The following MYRIP variants were observed in gnomAD, a reference collection of about 807,000 sequenced individuals.
MYRIP encodes the protein rab effector MyRIP.
Under a neutral mutation model 98.0 loss-of-function variants are expected in MYRIP, and 49 were observed. The observed-to-expected ratio is 0.50, with a 90% CI of 0.40 to 0.63. The LOEUF (loss-of-function observed/expected upper bound fraction) is 0.63, where lower values mean the gene tolerates loss of function less well. MYRIP is among the 30% of genes least tolerant of loss of function. MYRIP has a pLI of 0.00. For synonymous variants in MYRIP, 404 were observed against 409.5 expected (o/e 0.99, Z 0.16); for missense variants, 1,004 against 1,058.2 (o/e 0.95, Z 0.71).
At chr3:39,913,880 T>C (rs1337754970) in intron 2 of MYRIP, among the ~76,000 whole-genome samples, 1 of 152,198 alleles carries the variant, frequency 6.6e-6, no homozygotes. Context: ...TGTTCCACAT[T>C]CTATGGAAGC....
At chr3:40,034,764 A>C (rs1947339687) in intron 2 of MYRIP, among the ~76,000 whole-genome samples, 1 of 152,018 alleles carries the variant, frequency 6.6e-6, no homozygotes, top group South Asian at 2.1e-4. Flanking sequence ...CTATAAAGAC[A>C]CATGCACACG....
At chr3:40,102,853 C>G (rs1948972909) in intron 3 of MYRIP, among the ~76,000 whole-genome samples, 1 of 151,884 alleles carries the variant, frequency 6.6e-6, no homozygotes, top group African/African-American at 2.4e-5. Context: ...AGACAGATAC[C>G]TACACACTCC....
chr3:39,826,098 A>T (rs1941254580), intron 1 of MYRIP, among the ~76,000 whole-genome samples: 3 of 148,920 alleles, frequency 2.0e-5, no homozygotes, highest in Admixed American at 6.6e-5. Context: ...ATAGTTTGTC[A>T]ATTTTGTTTA....
rs867915273 is a variant in MYRIP, at chr3:40,204,015, A to T, written c.1666-5839A>T. 9.2e-4 allele frequency among the ~76,000 whole-genome samples: 5 copies of T among 5,406 alleles called. 1 individual carries two copies. The highest frequency in any genetic ancestry group is 1.1e-3 in the Non-Finnish European group (2 of 1,784). The allele number at this position is 5,406 out of a possible 152,430, so 3.5% of individuals were successfully genotyped here. A position where few individuals can be genotyped will look rare whatever the true frequency, so the allele number is the denominator to read the frequency against. On this transcript the variant is annotated intron_variant, in intron 10 of 16. Coordinates refer to ENST00000302541, the MANE Select transcript of MYRIP (RefSeq NM_015460.4). ...ATTATATATATTATATATTATATAT[A>T]ATATATATTATATATATTATATATT...
At chr3:40,151,420 A>T (rs1950117333) in intron 4 of MYRIP, among the ~76,000 whole-genome samples, 1 of 152,232 alleles carries the variant, frequency 6.6e-6, no homozygotes, top group Admixed American at 6.5e-5. Context: ...AGCTATGAAG[A>T]CCAAGTACTT....
intron 2 of MYRIP, among the ~76,000 whole-genome samples, chr3:40,000,788 C>A (rs1019750215): frequency 6.6e-6 from 1 of 152,092 alleles, no homozygotes; most frequent in Non-Finnish European, 1.5e-5. Context: ...CCTGGGAAGC[C>A]CACAGCCACC....
intron 3 of MYRIP, among the ~76,000 whole-genome samples, chr3:40,099,413 C>T (rs1040516589): frequency 6.6e-6 from 1 of 151,854 alleles, no homozygotes; most frequent in Non-Finnish European, 1.5e-5. Context: ...TTTATGAAAC[C>T]AGGGTGAAGG....
At chr3:39,980,388 C>T (rs1460790617) in intron 2 of MYRIP, among the ~76,000 whole-genome samples, 1 of 152,156 alleles carries the variant, frequency 6.6e-6, no homozygotes, top group Non-Finnish European at 1.5e-5. Flanking sequence ...TCCCATAAGG[C>T]CAAAGGCAGT....
intron 4 of MYRIP, among the ~76,000 whole-genome samples, chr3:40,154,720 C>A (rs1463196617): frequency 6.6e-6 from 1 of 152,052 alleles, no homozygotes; most frequent in Admixed American, 6.5e-5. Flanking sequence ...CCTTGACAAG[C>A]CCCAGGATGC....
At chr3:39,913,890 C>CACTTG (rs1944087422) in intron 2 of MYRIP, among the ~76,000 whole-genome samples, 1 of 152,168 alleles carries the variant, frequency 6.6e-6, no homozygotes, top group African/African-American at 2.4e-5. Context: ...TCTATGGAAG[C>CACTTG]ACTTGTGAAT....
intron 1 of MYRIP, among the ~76,000 whole-genome samples, chr3:39,880,496 T>C (rs1943131979): frequency 6.6e-6 from 1 of 152,262 alleles, no homozygotes; most frequent in Non-Finnish European, 1.5e-5. Context: ...AAATTCAACT[T>C]TGTTTTTATA....
chr3:40,114,297 G>A (rs1300193049), intron 3 of MYRIP, among the ~76,000 whole-genome samples: 1 of 152,174 alleles, frequency 6.6e-6, no homozygotes, highest in Non-Finnish European at 1.5e-5. Flanking sequence ...TGCTGTACAG[G>A]TTTGTAGCCT....
At chr3:39,957,770 T>C (rs370330572) in intron 2 of MYRIP, among the ~76,000 whole-genome samples, 51 of 152,130 alleles carry the variant, frequency 3.4e-4, no homozygotes, top group South Asian at 1.5e-3. Flanking sequence ...GATTGTATAT[T>C]TAGAAAACCC....
intron 2 of MYRIP, among the ~76,000 whole-genome samples, chr3:40,028,498 C>T (rs983810225): frequency 6.6e-6 from 1 of 152,108 alleles, no homozygotes; most frequent in African/African-American, 2.4e-5. Flanking sequence ...TCTTTCTAAT[C>T]CAATGGAAAG....
chr3:39,927,997 C>T (rs1374830860), intron 2 of MYRIP, among the ~76,000 whole-genome samples: 1 of 151,914 alleles, frequency 6.6e-6, no homozygotes, highest in Non-Finnish European at 1.5e-5. Flanking sequence ...TTATGAGAAA[C>T]ACCCTCAACA....
intron 1 of MYRIP, among the ~76,000 whole-genome samples, chr3:39,833,167 C>T (rs767586978): frequency 6.6e-6 from 1 of 152,092 alleles, no homozygotes; most frequent in African/African-American, 2.4e-5. Context: ...AACAGGAACA[C>T]CTACCAAGAG....
intron 11 of MYRIP, among the ~76,000 whole-genome samples, chr3:40,229,515 G>T (rs1177666638): frequency 6.6e-6 from 1 of 152,076 alleles, no homozygotes. Context: ...TCATTTGTGA[G>T]TTGGGCTGGG....
chr3:40,173,038 C>G (rs1413427554), intron 8 of MYRIP: 1 of 152,128 alleles, frequency 6.6e-6, no homozygotes, highest in South Asian at 2.1e-4. Context: ...ATGTAAATCC[C>G]GTGAACAGAG....
chr3:40,192,328 C>CATATATATATATATGTCATAT lies in MYRIP; in HGVS notation c.1665+1877_1665+1878insATGTCATATATATATATATAT, dbSNP rs372192317. Among the ~76,000 whole-genome samples, 3 of 37,844 alleles carry CATATATATATATATGTCATAT rather than the reference C, an allele frequency of 7.9e-5. 1 individual carries two copies. The highest frequency in any genetic ancestry group is 1.3e-4 in the Non-Finnish European group (3 of 23,606). 24.8% of individuals were successfully genotyped at this position (37,844 alleles called of 152,430 possible). ...TTTCTTCATATATATATATATATGT[C>CATATATATATATATGTCATAT]ATATATATATATGTCATATATATAT... On this transcript the variant is annotated intron_variant, in intron 10 of 16. Coordinates refer to ENST00000302541, the MANE Select transcript of MYRIP (RefSeq NM_015460.4).
Sources: allele counts gnomAD v4.1 joint callset (sites outside exome capture counted in the v4.1 genomes callset), GRCh38; gene constraint gnomAD v4.1.1; transcripts MANE v1.5; gene names NCBI Gene and HGNC (gene_info 2026-07-23, HGNC 2026-07-21).